SORCS2: variants seen among roughly 807,000 people sequenced by gnomAD.
SORCS2 encodes the protein VPS10 domain-containing receptor SorCS2.
A neutral mutation model predicts 141.6 loss-of-function variants in SORCS2; 100 were observed. The observed-to-expected ratio is 0.71, with a 90% CI of 0.60 to 0.83. The LOEUF (loss-of-function observed/expected upper bound fraction) is 0.83. Ranked by LOEUF, SORCS2 falls within the 40% of genes least tolerant of loss-of-function variation. The probability of loss-of-function intolerance (pLI) is 0.00; values close to 1 mark genes in which losing one functional copy is unlikely to be tolerated. For synonymous variants in SORCS2, 789 were observed against 676.9 expected (o/e 1.17, Z -2.57); for missense variants, 1,646 against 1,560.2 (o/e 1.05, Z -0.93).
intron 1 of SORCS2, among the ~76,000 whole-genome samples, chr4:7,313,430 C>G (rs967329087): frequency 2.2e-4 from 33 of 152,262 alleles, no homozygotes; most frequent in Non-Finnish European, 3.2e-4. Flanking sequence ...AGGCTGCTCT[C>G]TGGGTTGCGC....
chr4:7,727,297 G>A (rs1326766612), intron 21 of SORCS2, among the ~76,000 whole-genome samples: 1 of 152,174 alleles, frequency 6.6e-6, no homozygotes, highest in East Asian at 1.9e-4. Context: ...AGCTTAAAGA[G>A]GACTCCTGTC....
At chr4:7,374,634 G>T (rs975735361) in intron 1 of SORCS2, among the ~76,000 whole-genome samples, 1 of 152,178 alleles carries the variant, frequency 6.6e-6, no homozygotes, top group Non-Finnish European at 1.5e-5. Context: ...CGAAGCCAAG[G>T]TTGCTTTCTC....
chr4:7,736,948 C>T, intron 25 of SORCS2, 121 bp from the exon 26 acceptor site: 2 of 1,314,194 alleles, frequency 1.5e-6, no homozygotes, highest in Non-Finnish European at 2.1e-6. Flanking sequence ...GTAGGCACCT[C>T]TGGAGTGCTG....
intron 1 of SORCS2, among the ~76,000 whole-genome samples, chr4:7,360,292 A>T (rs556151596): frequency 6.6e-6 from 1 of 152,286 alleles, no homozygotes; most frequent in Non-Finnish European, 1.5e-5. Flanking sequence ...AGACTCAGAG[A>T]GGTGAGGTGA....
At chr4:7,320,809 C>T (rs563021212) in intron 1 of SORCS2, among the ~76,000 whole-genome samples, 3 of 152,274 alleles carry the variant, frequency 2.0e-5, no homozygotes, top group African/African-American at 2.4e-5. Context: ...CATTCACACT[C>T]GCTCAGTTCA....
intron 1 of SORCS2, among the ~76,000 whole-genome samples, chr4:7,228,161 C>T (rs937724926): frequency 9.2e-5 from 14 of 152,150 alleles, no homozygotes; most frequent in African/African-American, 2.4e-4. Context: ...TCCGAGGCCC[C>T]GCTCCTTGGC....
intron 2 of SORCS2, among the ~76,000 whole-genome samples, chr4:7,422,845 G>A (rs2109195106): frequency 6.6e-6 from 1 of 152,258 alleles, no homozygotes; most frequent in South Asian, 2.1e-4. Context: ...GTCACTGCCT[G>A]CTAATAACTG....
At chr4:7,391,415 C>G (rs763832569) in intron 1 of SORCS2, among the ~76,000 whole-genome samples, 25 of 152,304 alleles carry the variant, frequency 1.6e-4, no homozygotes, top group Middle Eastern at 6.8e-3. Flanking sequence ...CATCTCCAGG[C>G]AAGTTGGACG....
intron 2 of SORCS2, among the ~76,000 whole-genome samples, chr4:7,400,867 A>G (rs1420090483): frequency 2.6e-5 from 4 of 151,910 alleles, no homozygotes. Context: ...GGATGGATGA[A>G]TGGAAGAATA....
chr4:7,569,127 C>T (rs1715209748), intron 3 of SORCS2, among the ~76,000 whole-genome samples: 1 of 152,222 alleles, frequency 6.6e-6, no homozygotes, highest in Non-Finnish European at 1.5e-5. Context: ...TGTGCCATTG[C>T]TGTTGCCCAG....
intron 3 of SORCS2, among the ~76,000 whole-genome samples, chr4:7,584,696 C>T (rs963932517): frequency 2.0e-5 from 3 of 152,142 alleles, no homozygotes; most frequent in African/African-American, 7.2e-5. Flanking sequence ...TAAACCACAG[C>T]GGGGCTCAGC....
At chr4:7,435,365 C>T (rs1006905451) in intron 2 of SORCS2, among the ~76,000 whole-genome samples, 6 of 152,220 alleles carry the variant, frequency 3.9e-5, no homozygotes, top group Non-Finnish European at 7.3e-5. Flanking sequence ...TGCTGAAGAT[C>T]GAGTGTTCCC....
intron 4 of SORCS2, among the ~76,000 whole-genome samples, chr4:7,646,238 G>C (rs1018811556): frequency 6.6e-5 from 10 of 152,362 alleles, no homozygotes; most frequent in African/African-American, 2.4e-4. Context: ...GGGCCGGCAG[G>C]CTGGGGACAG....
chr4:7,342,425 G>A lies in SORCS2; in HGVS notation c.481-53863G>A, dbSNP rs538865861. 9.2e-5 allele frequency among the ~76,000 whole-genome samples: 14 copies of A among 152,300 alleles called. No homozygotes were observed. The South Asian group carries it at 2.1e-3, about 23-fold the overall frequency. On this transcript the variant is annotated intron_variant, in intron 1 of 26. Coordinates refer to ENST00000507866, the MANE Select transcript of SORCS2 (RefSeq NM_020777.3). ...TTCCATTCATTTCATTTGGCATTTA[G>A]CCTTGCAGATTCCACAGCCGGCCCT...
At chr4:7,455,746 G>T (rs1011785029) in intron 2 of SORCS2, among the ~76,000 whole-genome samples, 1 of 151,460 alleles carries the variant, frequency 6.6e-6, no homozygotes, top group Non-Finnish European at 1.5e-5. Context: ...GTCAGGCTCC[G>T]TCTTGGGGTC....
chr4:7,270,933 GT>G (rs1355979570), intron 1 of SORCS2, among the ~76,000 whole-genome samples: 2 of 152,238 alleles, frequency 1.3e-5, no homozygotes, highest in African/African-American at 4.8e-5. Context: ...TCGCTTGTTC[GT>G]TTGTTGGTTC....
In SORCS2 at chr4:7,703,348, C is replaced by A; in HGVS notation, c.1737C>A (p.Thr579=). The A allele has an allele frequency of 6.2e-6, 10 of 1,613,380 alleles. No individual in the cohort carries two copies. Among genetic ancestry groups the A allele is most frequent in the Non-Finnish European group, 8.5e-6 (10 of 1,179,682 alleles). The part of the protein sequence containing the change: ...HGGVIVAIKD[T]SIPLKILKFS... ...GCGTGATCGTGGCCATCAAAGACAC[C>A]TCCATCCCTTTGAAGATCCTCAAGT... The change falls in exon 13 of 27, where the codon ACC becomes ACA. Residue 579 remains threonine, a synonymous_variant. Transcript: ENST00000507866.
In SORCS2 at chr4:7,725,263, C is replaced by T. The variant is rs1347167563; in HGVS notation, c.2721C>T (p.Tyr907=). 2 of 1,613,476 alleles carry T rather than the reference C, an allele frequency of 1.2e-6. No individual in the cohort carries two copies. Among genetic ancestry groups the T allele is most frequent in the South Asian group, 2.2e-5 (2 of 91,080 alleles). Residue 907 remains tyrosine, a synonymous_variant, in exon 20 of 27, where the codon TAC becomes TAT. Transcript: ENST00000507866. Reference sequence around the variant, plus strand: ...TGAACCCTAACCTCACCGTCTTCTACTGGTGGATCGGCCACAGCCTGCAGG... The same window carrying T: ...TGAACCCTAACCTCACCGTCTTCTATTGGTGGATCGGCCACAGCCTGCAGG... ...LPLNPNLTVF[Y]WWIGHSLQPL... is the part of the protein sequence containing the mutation.
Position 7,740,172 on chromosome 4 carries a change from C to T in SORCS2, c.3416-28C>T, listed in dbSNP as rs200180442. The T allele has an allele frequency of 1.5e-3, 2,408 of 1,593,140 alleles. 3 individuals are homozygous for T. The highest frequency in any genetic ancestry group is 3.5e-3 in the Middle Eastern group (21 of 6,046). On this transcript the variant is annotated intron_variant, in intron 26 of 26. Coordinates refer to ENST00000507866, the MANE Select transcript of SORCS2 (RefSeq NM_020777.3). ...GTCTCCAGTCCCGGGCTTGTGCTCA[C>T]GGGACCTGCGTCTCTTCTGTTTCCT...
Sources: allele counts gnomAD v4.1 joint callset (sites outside exome capture counted in the v4.1 genomes callset), GRCh38; gene constraint gnomAD v4.1.1; transcripts MANE v1.5; gene names NCBI Gene and HGNC (gene_info 2026-07-23, HGNC 2026-07-21).